The following ZSWIM5 variants were observed in gnomAD, a reference collection of about 807,000 sequenced individuals.
ZSWIM5 encodes zinc finger SWIM domain-containing protein 5.
ZSWIM5 carries 55 observed loss-of-function variants against 119.6 expected under a neutral mutation model. The observed-to-expected ratio is 0.46, with a 90% CI of 0.37 to 0.58. ZSWIM5 has a LOEUF of 0.58. Ranked by LOEUF, ZSWIM5 falls within the 20% of genes least tolerant of loss-of-function variation. ZSWIM5 has a pLI of 0.00. For missense variants in ZSWIM5, 1,193 were observed against 1,512.8 expected, an observed-to-expected ratio of 0.79 and a Z score of 3.51; for synonymous variants, 537 against 606.9, an observed-to-expected ratio of 0.88 and a Z score of 1.69.
At chr1:45,117,603 T>C (rs1361074440) in intron 1 of ZSWIM5, among the ~76,000 whole-genome samples, 2 of 152,118 alleles carry the variant, frequency 1.3e-5, no homozygotes, top group Non-Finnish European at 2.9e-5. Flanking sequence ...GCCTGGGAGA[T>C]TGAGGCTGCA....
intron 1 of ZSWIM5, among the ~76,000 whole-genome samples, chr1:45,099,419 C>T (rs990887822): frequency 6.6e-6 from 1 of 152,084 alleles, no homozygotes; most frequent in Non-Finnish European, 1.5e-5. Context: ...ATCCTACCAA[C>T]CAAAAAAAGT....
chr1:45,117,111 G>A (rs753606889), intron 1 of ZSWIM5, among the ~76,000 whole-genome samples: 8 of 152,074 alleles, frequency 5.3e-5, no homozygotes, highest in Non-Finnish European at 8.8e-5. Flanking sequence ...TCAAAAGACA[G>A]AAAAAAGGAA....
At chr1:45,203,989 A>G (rs1381761592) in intron 1 of ZSWIM5, among the ~76,000 whole-genome samples, 1 of 152,126 alleles carries the variant, frequency 6.6e-6, no homozygotes, top group Non-Finnish European at 1.5e-5. Context: ...TGAAACTACC[A>G]TAAGAGAGCC....
chr1:45,059,303 A>G (rs189162403), intron 3 of ZSWIM5, among the ~76,000 whole-genome samples: 138 of 152,310 alleles, frequency 9.1e-4, no homozygotes, highest in African/African-American at 3.2e-3. Context: ...CAATAAATCC[A>G]CATTTATTGT....
Position 45,043,237 on chromosome 1 carries a change from C to T in ZSWIM5, c.1591G>A (p.Gly531Ser), listed in dbSNP as rs532352798. Residue 531 changes from glycine to serine, a missense_variant, in exon 6 of 14, where the codon GGC (glycine) becomes AGC (serine). Physicochemically the swap from Gly to Ser is moderately conservative, Grantham distance 56. This residue lies in a region of ZSWIM5 where 961 missense variants were observed against 1,290.0 expected (regional missense o/e 0.74). Coordinates refer to ENST00000359600, the MANE Select transcript of ZSWIM5 (RefSeq NM_020883.2). Reference protein sequence around the residue: ...ESERLLFNSQGQPLWLEHVPT... With the variant: ...ESERLLFNSQSQPLWLEHVPT... ...GACTTACCAAGCCACAGTGGCTGGC[C>T]TTGGGAATTAAAGAGTAGTCTTTCA... is the stretch of plus-strand genomic sequence containing the variant. 4 of 1,613,744 alleles carry T rather than the reference C, an allele frequency of 2.5e-6. No individual in the cohort carries two copies. The South Asian group carries it at 3.3e-5, about 13-fold the overall frequency.
rs1161001637 is a variant in ZSWIM5 at position 45,088,218 on chromosome 1, T to C, written c.615A>G (p.Thr205=). Residue 205 remains threonine, a synonymous_variant, in exon 2 of 14, where the codon ACA becomes ACG. Transcript: ENST00000359600. This position sits in a 1 kb window ranked among gnomAD's most constrained non-coding sequence, Gnocchi z 4.2. ...VLQVGFHLSG[T]VTELATASEP... is the part of the protein sequence containing the mutation. The stretch of plus-strand genomic sequence containing the variant: ...CAGAGGCAGTGGCCAGCTCAGTTAC[T>C]GTGCCACTCAGATGAAAGCCTAAGG... 1.2e-6 allele frequency: 2 copies of C among 1,603,954 alleles called. No homozygotes were observed. Among genetic ancestry groups the C allele is most frequent in the Non-Finnish European group, 1.7e-6 (2 of 1,173,726 alleles).
chr1:45,032,821 G>GT (rs1013505888), intron 11 of ZSWIM5, among the ~76,000 whole-genome samples: 6 of 150,874 alleles, frequency 4.0e-5, no homozygotes, highest in African/African-American at 4.9e-5. Flanking sequence ...TACTTTAAGG[G>GT]TTTTTTTTCC....
intron 11 of ZSWIM5, among the ~76,000 whole-genome samples, chr1:45,021,591 G>A (rs1644887966): frequency 6.6e-6 from 1 of 152,186 alleles, no homozygotes; most frequent in South Asian, 2.1e-4. Context: ...AATACATTAA[G>A]TAAAGATAAA....
intron 1 of ZSWIM5, among the ~76,000 whole-genome samples, chr1:45,152,323 A>G (rs1645802424): frequency 6.6e-6 from 1 of 152,228 alleles, no homozygotes; most frequent in Non-Finnish European, 1.5e-5. Flanking sequence ...AATCCTGGCA[A>G]GAGACGATGG....
Position 45,205,737 on chromosome 1 carries a change from C to G in ZSWIM5, c.595+19G>C, listed in dbSNP as rs748431971. The G allele has an allele frequency of 4.1e-5, 64 of 1,544,854 alleles. No homozygotes were observed. In the East Asian group the frequency reaches 4.5e-4, roughly 11 times the overall value. ...GAAGAGGAGGCTGAGGACCCGAGAA[C>G]GCCTGGACGAGCACATACCGACTTG... is the stretch of plus-strand genomic sequence containing the variant. On this transcript the variant is annotated intron_variant, in intron 1 of 13. Transcript: ENST00000359600.
intron 1 of ZSWIM5, among the ~76,000 whole-genome samples, chr1:45,130,444 G>C (rs1413435615): frequency 7.7e-6 from 1 of 130,480 alleles, no homozygotes; most frequent in African/African-American, 2.5e-5. Context: ...AAGACATGAA[G>C]AGACATCTCA....
At chr1:45,085,887 C>G (rs1433896566) in intron 2 of ZSWIM5, among the ~76,000 whole-genome samples, 1 of 152,194 alleles carries the variant, frequency 6.6e-6, no homozygotes. Flanking sequence ...TGCCACTTTT[C>G]TAACCAGTTC....
intron 1 of ZSWIM5, among the ~76,000 whole-genome samples, chr1:45,150,044 C>T (rs1262459922): frequency 6.6e-6 from 1 of 151,706 alleles, no homozygotes; most frequent in African/African-American, 2.4e-5. Context: ...GTGGTGTACA[C>T]CTGTAGTCCT....
At chr1:45,035,048 A>G (rs1570000933) in intron 10 of ZSWIM5, among the ~76,000 whole-genome samples, 1 of 152,146 alleles carries the variant, frequency 6.6e-6, no homozygotes, top group South Asian at 2.1e-4. Flanking sequence ...TCGGCCTCCC[A>G]AAGTGCTAGG....
chr1:45,040,550 G>C lies in ZSWIM5; in HGVS notation c.1610-12C>G. Reference sequence around the variant, plus strand: ...TGTAGGCACATGCTCTACCAAGTAAGAAGAAGATATTTTGGTCTAGTTAAA... The same window carrying C: ...TGTAGGCACATGCTCTACCAAGTAACAAGAAGATATTTTGGTCTAGTTAAA... On this transcript the variant is annotated splice_polypyrimidine_tract_variant and intron_variant, in intron 6 of 13. Coordinates refer to ENST00000359600, the MANE Select transcript of ZSWIM5 (RefSeq NM_020883.2). 1 of 1,566,942 alleles carries C rather than the reference G, an allele frequency of 6.4e-7. No individual in the cohort carries two copies. The highest frequency in any genetic ancestry group is 8.6e-7 in the Non-Finnish European group (1 of 1,162,552).
At chr1:45,068,091 C>CTTTTT (rs869057806) in intron 2 of ZSWIM5, among the ~76,000 whole-genome samples, 6 of 111,516 alleles carry the variant, frequency 5.4e-5, no homozygotes, top group African/African-American at 6.7e-5. Flanking sequence ...AGCAATTTTT[C>CTTTTT]TTTTTTTTTT....
At chr1:45,073,671 T>C (rs565108304) in intron 2 of ZSWIM5, among the ~76,000 whole-genome samples, 28 of 152,016 alleles carry the variant, frequency 1.8e-4, no homozygotes, top group Admixed American at 1.6e-3. Flanking sequence ...GATCATATCA[T>C]CTGCAAACGA....
At chr1:45,041,839 A>G (rs1645020114) in intron 6 of ZSWIM5, among the ~76,000 whole-genome samples, 1 of 152,212 alleles carries the variant, frequency 6.6e-6, no homozygotes, top group Non-Finnish European at 1.5e-5. Flanking sequence ...CGCCCAGCCT[A>G]GTAAGTTTTT....
intron 11 of ZSWIM5, among the ~76,000 whole-genome samples, chr1:45,022,324 G>A (rs997162386): frequency 6.6e-6 from 1 of 151,788 alleles, no homozygotes; most frequent in Non-Finnish European, 1.5e-5. Flanking sequence ...TAGAGATGGG[G>A]TTTCACCGTG....
Sources: gnomAD v4.1 joint callset for allele counts (sites outside exome capture counted in the v4.1 genomes callset) on GRCh38, gnomAD v4.1.1 for gene constraint, gnomAD v4.1.1 regional missense constraint, Gnocchi (gnomAD v3.1) non-coding constraint, MANE v1.5 for transcripts, NCBI Gene and HGNC (gene_info 2026-07-23, HGNC 2026-07-21) for gene names.